The following GRIK2 variants were observed in gnomAD, a reference collection of about 807,000 sequenced individuals.
GRIK2 encodes glutamate ionotropic receptor kainate type subunit 2, also known as glutamate receptor ionotropic, kainate 2.
In GRIK2, 32 loss-of-function variants were observed where a neutral mutation model predicts 100.3. The ratio of observed to expected loss-of-function variants is 0.32; its 90% CI spans 0.24 to 0.43. The LOEUF (loss-of-function observed/expected upper bound fraction) is 0.43, where lower values mean the gene tolerates loss of function less well. Ranked by LOEUF, GRIK2 falls within the 20% of genes least tolerant of loss-of-function variation. GRIK2 has a pLI of 1.00. For missense variants in GRIK2, 843 were observed against 1,114.9 expected (o/e 0.76, Z 3.47); for synonymous variants, 417 against 389.4 (o/e 1.07, Z -0.83).
intron 4 of GRIK2, among the ~76,000 whole-genome samples, chr6:101,640,292 T>A (rs1358028337): frequency 6.6e-6 from 1 of 152,190 alleles, no homozygotes; most frequent in Non-Finnish European, 1.5e-5. Flanking sequence ...TCTCTGGTTA[T>A]CTTCACTTCT....
intron 4 of GRIK2, among the ~76,000 whole-genome samples, chr6:101,672,353 G>GA (rs1323714330): frequency 1.3e-5 from 2 of 152,042 alleles, no homozygotes; most frequent in African/African-American, 4.8e-5. Context: ...CACACTCAGT[G>GA]AAAGCACCCT....
intron 14 of GRIK2, among the ~76,000 whole-genome samples, chr6:101,991,820 T>G (rs551882126): frequency 6.6e-6 from 1 of 151,576 alleles, no homozygotes; most frequent in Non-Finnish European, 1.5e-5. Flanking sequence ...AAGTTCTATG[T>G]TTTCCTCTTG....
intron 2 of GRIK2, among the ~76,000 whole-genome samples, chr6:101,466,635 G>A (rs1307239241): frequency 2.7e-5 from 4 of 150,360 alleles, no homozygotes; most frequent in African/African-American, 9.8e-5. Flanking sequence ...CATTTGTCAT[G>A]TAGCATATAT....
At chr6:101,441,595 A>C (rs1770062935) in intron 2 of GRIK2, among the ~76,000 whole-genome samples, 1 of 152,146 alleles carries the variant, frequency 6.6e-6, no homozygotes, top group Non-Finnish European at 1.5e-5. Context: ...AGTCTGGAAA[A>C]AGCTTAATGA....
chr6:101,833,793 T>C (rs11156158), intron 10 of GRIK2, among the ~76,000 whole-genome samples: 8,988 of 151,898 alleles, frequency 0.059, 738 homozygotes, highest in East Asian at 0.42. Context: ...TTTTGTTTGC[T>C]CTATTATATT....
At chr6:101,453,065 T>C in intron 2 of GRIK2, among the ~76,000 whole-genome samples, 1 of 151,896 alleles carries the variant, frequency 6.6e-6, no homozygotes, top group African/African-American at 2.4e-5. Context: ...ATGTATTGAC[T>C]CTCTACATAT....
chr6:101,977,739 C>T (rs931718708), intron 14 of GRIK2, among the ~76,000 whole-genome samples: 3 of 151,964 alleles, frequency 2.0e-5, no homozygotes, highest in Admixed American at 6.6e-5. Flanking sequence ...ACTTCTAAAA[C>T]CTGCGTGCTT....
chr6:102,027,701 G>A (rs1769775873), intron 14 of GRIK2, among the ~76,000 whole-genome samples: 1 of 150,978 alleles, frequency 6.6e-6, no homozygotes, highest in African/African-American at 2.4e-5. Context: ...TATTGATAAT[G>A]TTATTTTCTT....
chr6:101,416,056 GT>G (rs1382257388), intron 2 of GRIK2, among the ~76,000 whole-genome samples: 5 of 152,124 alleles, frequency 3.3e-5, no homozygotes, highest in Non-Finnish European at 5.9e-5. Flanking sequence ...TTCTGTAATT[GT>G]TTCAGCTAAT....
intron 2 of GRIK2, among the ~76,000 whole-genome samples, chr6:101,617,339 T>C (rs377596305): frequency 2.7e-4 from 41 of 151,980 alleles, no homozygotes; most frequent in African/African-American, 9.1e-4. Context: ...TTTTGAACAA[T>C]GAAATCATGC....
At chr6:101,616,743 C>T (rs756523625) in intron 2 of GRIK2, among the ~76,000 whole-genome samples, 7 of 151,546 alleles carry the variant, frequency 4.6e-5, no homozygotes, top group East Asian at 3.9e-4. Context: ...AAGTTTGTGT[C>T]GATTTATTTT....
chr6:101,944,067 C>T (rs2128476648), intron 14 of GRIK2, among the ~76,000 whole-genome samples: 1 of 152,134 alleles, frequency 6.6e-6, no homozygotes, highest in Admixed American at 6.5e-5. Context: ...CCTCCCAATG[C>T]TGTCTCATAA....
intron 2 of GRIK2, among the ~76,000 whole-genome samples, chr6:101,538,802 A>T (rs1167154552): frequency 6.6e-6 from 1 of 151,860 alleles, no homozygotes; most frequent in Middle Eastern, 3.4e-3. Context: ...TGGGTTCCGA[A>T]TAAATATCTG....
intron 4 of GRIK2, among the ~76,000 whole-genome samples, chr6:101,660,960 C>T (rs1180461743): frequency 2.0e-5 from 3 of 152,110 alleles, no homozygotes; most frequent in Non-Finnish European, 4.4e-5. Flanking sequence ...GGATCAGGGA[C>T]CCACTTGAGG....
intron 10 of GRIK2, among the ~76,000 whole-genome samples, chr6:101,853,675 T>G (rs1366874239): frequency 6.6e-6 from 1 of 152,216 alleles, no homozygotes; most frequent in Non-Finnish European, 1.5e-5. Context: ...TGCCCAGACT[T>G]GGAAGCCACC....
chr6:101,493,287 AAAG>A (rs1773240303), intron 2 of GRIK2, among the ~76,000 whole-genome samples: 1 of 151,956 alleles, frequency 6.6e-6, no homozygotes, highest in Non-Finnish European at 1.5e-5. Context: ...ATCTAACAAA[AAAG>A]AAATTCCCTA....
intron 7 of GRIK2, among the ~76,000 whole-genome samples, chr6:101,726,779 A>C (rs1210973823): frequency 3.3e-5 from 5 of 152,030 alleles, no homozygotes; most frequent in Admixed American, 2.6e-4. Context: ...AAAACTGAAA[A>C]CAACATGGAC....
At chr6:101,403,872 C>T (rs990385232) in intron 2 of GRIK2, among the ~76,000 whole-genome samples, 4 of 152,142 alleles carry the variant, frequency 2.6e-5, no homozygotes, top group African/African-American at 9.7e-5. Context: ...GGAGAGAAAT[C>T]ATTCCAAGAA....
At chr6:101,612,168 G>A (rs1779708788) in intron 2 of GRIK2, among the ~76,000 whole-genome samples, 1 of 151,128 alleles carries the variant, frequency 6.6e-6, no homozygotes. Context: ...CACTGAGGAT[G>A]CTAGACCTGT....
Sources: allele counts gnomAD v4.1 joint callset (sites outside exome capture counted in the v4.1 genomes callset), GRCh38; gene constraint gnomAD v4.1.1; transcripts MANE v1.5; gene names NCBI Gene and HGNC (gene_info 2026-07-23, HGNC 2026-07-21).